ZC3H12B: variants seen among roughly 807,000 people sequenced by gnomAD.
ZC3H12B encodes probable ribonuclease ZC3H12B.
ZC3H12B carries 7 observed loss-of-function variants against 43.9 expected under a neutral mutation model. That is an observed-to-expected ratio of 0.16 (90% CI 0.09 to 0.30). The LOEUF (loss-of-function observed/expected upper bound fraction) is 0.30, where lower values mean the gene tolerates loss of function less well. ZC3H12B is among the 10% of genes least tolerant of loss of function. ZC3H12B has a pLI of 1.00. For missense variants in ZC3H12B, 475 were observed against 670.2 expected (o/e 0.71, Z 3.22); for synonymous variants, 222 against 241.7 (o/e 0.92, Z 0.76).
At chrX:65,045,321 A>G in the ZC3H12B span, among the ~76,000 whole-genome samples, 13 of 112,032 alleles carry the variant, frequency 1.2e-4, no homozygotes, top group African/African-American at 3.6e-4. Context: ...CCACTGTAGA[A>G]CTTCTTTCAA....
At chrX:65,176,707 C>T in the ZC3H12B span, among the ~76,000 whole-genome samples, 1 of 111,664 alleles carries the variant, frequency 9.0e-6, no homozygotes, top group East Asian at 2.8e-4. Context: ...CGGACACATG[C>T]GCCCTCCCAA....
the ZC3H12B span, among the ~76,000 whole-genome samples, chrX:65,282,454 A>T: frequency 7.1e-5 from 8 of 112,108 alleles, no homozygotes; most frequent in Non-Finnish European, 1.1e-4. Flanking sequence ...GAAAAATAAA[A>T]GGCATCTAAG....
chrX:65,347,536 A>G, the ZC3H12B span, among the ~76,000 whole-genome samples: 6 of 112,248 alleles, frequency 5.3e-5, no homozygotes, highest in African/African-American at 1.9e-4. Context: ...CCACAATGAG[A>G]TACCATCTCA....
chrX:65,367,736 T>C (rs2066191816), intron 1 of ZC3H12B, among the ~76,000 whole-genome samples: 1 of 111,625 alleles, frequency 9.0e-6, no homozygotes, highest in Admixed American at 9.6e-5. Context: ...GTTTTATCTA[T>C]TTATTTTCTT....
At chrX:65,328,382 A>T in the ZC3H12B span, 17 of 232,985 alleles carry the variant, frequency 7.3e-5, no homozygotes, top group Non-Finnish European at 1.2e-4. Context: ...TTATAATGAA[A>T]CCCACATTCT....
the ZC3H12B span, among the ~76,000 whole-genome samples, chrX:65,229,168 A>T: frequency 1.8e-5 from 2 of 111,036 alleles, no homozygotes; most frequent in East Asian, 5.7e-4. Context: ...ACAGCATGGT[A>T]CTGGTACCAA....
chrX:65,214,984 A>C, the ZC3H12B span, among the ~76,000 whole-genome samples: 6 of 111,825 alleles, frequency 5.4e-5, no homozygotes, highest in Non-Finnish European at 1.1e-4. Flanking sequence ...TTGAGTGTCT[A>C]GGTGCATTGT....
the ZC3H12B span, among the ~76,000 whole-genome samples, chrX:65,162,839 C>G: frequency 2.7e-5 from 3 of 112,198 alleles, no homozygotes; most frequent in Non-Finnish European, 5.6e-5. Context: ...GGAGAAGAGA[C>G]GCTCTTCTTT....
At chrX:65,170,010 A>T in the ZC3H12B span, among the ~76,000 whole-genome samples, 1 of 111,903 alleles carries the variant, frequency 8.9e-6, no homozygotes. Context: ...GTGTCTTTTA[A>T]TTGGAGCATT....
the ZC3H12B span, among the ~76,000 whole-genome samples, chrX:65,254,423 A>T: frequency 8.9e-6 from 1 of 112,690 alleles, no homozygotes; most frequent in Non-Finnish European, 1.9e-5. Context: ...GAATTACAGC[A>T]TGCAGCACAA....
At chrX:65,159,682 T>C in the ZC3H12B span, among the ~76,000 whole-genome samples, 1 of 112,061 alleles carries the variant, frequency 8.9e-6, no homozygotes, top group Non-Finnish European at 1.9e-5. Flanking sequence ...TGGAGTTTTC[T>C]AGATATACAA....
chrX:65,314,246 A>T, the ZC3H12B span, among the ~76,000 whole-genome samples: 8 of 111,647 alleles, frequency 7.2e-5, no homozygotes, highest in Non-Finnish European at 1.1e-4. Context: ...ACAAAAAAAA[A>T]TTTGAAGAAA....
At chrX:65,111,160 A>T in the ZC3H12B span, among the ~76,000 whole-genome samples, 3 of 111,130 alleles carry the variant, frequency 2.7e-5, no homozygotes, top group Admixed American at 2.9e-4. Context: ...CATAGACGGT[A>T]TATCATCTGC....
chrX:65,162,757 T>C, the ZC3H12B span, among the ~76,000 whole-genome samples: 1 of 107,704 alleles, frequency 9.3e-6, no homozygotes, highest in African/African-American at 3.8e-5. Flanking sequence ...GAAGCCTTCT[T>C]CTCTCACCTC....
At chrX:65,462,640 G>T (rs946523866) in intron 3 of ZC3H12B, among the ~76,000 whole-genome samples, 4 of 112,225 alleles carry the variant, frequency 3.6e-5, no homozygotes, top group Non-Finnish European at 3.8e-5. Flanking sequence ...ACCTTAGAAG[G>T]CAGGTTCTTG....
chrX:65,138,084 C>T, the ZC3H12B span, among the ~76,000 whole-genome samples: 1 of 112,423 alleles, frequency 8.9e-6, no homozygotes, highest in African/African-American at 3.2e-5. Context: ...CCCGCCTCTG[C>T]CTCCCAAAGT....
the ZC3H12B span, among the ~76,000 whole-genome samples, chrX:65,205,394 G>A: frequency 9.9e-5 from 11 of 110,835 alleles, no homozygotes; most frequent in South Asian, 3.7e-4. Flanking sequence ...AGGGCTCCTT[G>A]GTACACAACA....
intron 3 of ZC3H12B, among the ~76,000 whole-genome samples, chrX:65,401,906 G>A (rs2066767459): frequency 8.9e-6 from 1 of 111,935 alleles, no homozygotes; most frequent in Non-Finnish European, 1.9e-5. Context: ...TAACTGAAGA[G>A]GCCTTGAACC....
the ZC3H12B span, among the ~76,000 whole-genome samples, chrX:65,200,972 G>A: frequency 9.0e-6 from 1 of 111,310 alleles, no homozygotes; most frequent in Non-Finnish European, 1.9e-5. Context: ...TTGCATCGAT[G>A]TTCATCAAGG....
Sources: gnomAD v4.1 joint callset for allele counts (sites outside exome capture counted in the v4.1 genomes callset) on GRCh38, gnomAD v4.1.1 for gene constraint, MANE v1.5 for transcripts, NCBI Gene and HGNC (gene_info 2026-07-23, HGNC 2026-07-21) for gene names.